The following GALNTL6 variants were observed in gnomAD, a reference collection of about 807,000 sequenced individuals.
GALNTL6 encodes polypeptide N-acetylgalactosaminyltransferase-like 6.
A neutral mutation model predicts 73.7 loss-of-function variants in GALNTL6; 46 were observed. The ratio of observed to expected loss-of-function variants is 0.62; its 90% CI spans 0.49 to 0.80. GALNTL6 has a LOEUF of 0.80. Among genes scored for constraint, GALNTL6 ranks in the 30% least tolerant of loss-of-function variants. The pLI, the probability that GALNTL6 is intolerant of heterozygous loss-of-function variation, is 0.00. For missense variants in GALNTL6, 604 were observed against 755.0 expected (o/e 0.80, Z 2.34); for synonymous variants, 259 against 263.7 (o/e 0.98, Z 0.17).
intron 2 of GALNTL6, among the ~76,000 whole-genome samples, chr4:171,913,440 C>T (rs1560838372): frequency 6.6e-6 from 1 of 152,154 alleles, no homozygotes; most frequent in Admixed American, 6.5e-5. Context: ...CCACCCACAG[C>T]TGGATTCCCT....
intron 2 of GALNTL6, among the ~76,000 whole-genome samples, chr4:172,042,769 C>T (rs1041446281): frequency 2.8e-5 from 4 of 144,794 alleles, no homozygotes; most frequent in Non-Finnish European, 4.5e-5. Context: ...TTCTGATAGC[C>T]AACTCATGTC....
At chr4:173,030,699 T>C (rs757743886) in intron 12 of GALNTL6, among the ~76,000 whole-genome samples, 20 of 152,126 alleles carry the variant, frequency 1.3e-4, no homozygotes, top group Admixed American at 4.6e-4. Flanking sequence ...GCCCGGTCTG[T>C]GTTCTTAACC....
At chr4:172,322,206 G>A (rs1740784109) in intron 4 of GALNTL6, among the ~76,000 whole-genome samples, 1 of 152,122 alleles carries the variant, frequency 6.6e-6, no homozygotes, top group Admixed American at 6.5e-5. Flanking sequence ...GATCACTCAA[G>A]TCATGCACTT....
intron 2 of GALNTL6, among the ~76,000 whole-genome samples, chr4:172,132,148 CACAA>C (rs924060464): frequency 6.6e-5 from 10 of 151,862 alleles, no homozygotes; most frequent in Admixed American, 3.9e-4. Context: ...TATACAAAAA[CACAA>C]ACAGTTTCTT....
intron 5 of GALNTL6, among the ~76,000 whole-genome samples, chr4:172,698,669 G>A (rs548482682): frequency 6.6e-6 from 1 of 152,262 alleles, no homozygotes; most frequent in East Asian, 1.9e-4. Context: ...TGTGTGCTTT[G>A]ATGGAGATGG....
At chr4:172,463,934 T>C (rs752700748) in intron 5 of GALNTL6, among the ~76,000 whole-genome samples, 6 of 152,226 alleles carry the variant, frequency 3.9e-5, no homozygotes, top group Non-Finnish European at 7.4e-5. Flanking sequence ...CACTTATGAA[T>C]AATAGTTACT....
In GALNTL6 at chr4:171,977,688, A is replaced by G. The variant is rs188182532; in HGVS notation, c.138+162970A>G. On this transcript the variant is annotated intron_variant, in intron 2 of 12. Transcript: ENST00000506823. ...ACACAAATTTTGTGAGGGTGACACA[A>G]CTCACCCCATGGCAGGTAGAAAGTT... is the stretch of plus-strand genomic sequence containing the variant. 1.6e-4 allele frequency among the ~76,000 whole-genome samples: 25 copies of G among 152,198 alleles called. 1 individual carries two copies. The East Asian group carries it at 4.2e-3, about 26-fold the overall frequency.
At chr4:172,390,520 T>C (rs957554147) in intron 5 of GALNTL6, among the ~76,000 whole-genome samples, 1 of 152,206 alleles carries the variant, frequency 6.6e-6, no homozygotes, top group Non-Finnish European at 1.5e-5. Flanking sequence ...CTGCCCAGGA[T>C]GTGAATCATC....
intron 2 of GALNTL6, among the ~76,000 whole-genome samples, chr4:172,112,223 G>T (rs887177053): frequency 1.3e-5 from 2 of 151,968 alleles, no homozygotes; most frequent in African/African-American, 4.8e-5. Flanking sequence ...TTCATGGCTT[G>T]ATAGCTCACC....
chr4:172,620,816 A>G (rs754790648), intron 5 of GALNTL6, among the ~76,000 whole-genome samples: 13 of 152,172 alleles, frequency 8.5e-5, no homozygotes, highest in African/African-American at 1.2e-4. Context: ...ATATCCATGG[A>G]TATTTCAAGG....
At chr4:172,547,083 T>TA (rs1446112278) in intron 5 of GALNTL6, among the ~76,000 whole-genome samples, 1 of 151,788 alleles carries the variant, frequency 6.6e-6, no homozygotes, top group African/African-American at 2.4e-5. Context: ...ACAAAACTAT[T>TA]ATAGGAAAGT....
At chr4:171,887,787 A>AC (rs1326082641) in intron 2 of GALNTL6, among the ~76,000 whole-genome samples, 1 of 151,950 alleles carries the variant, frequency 6.6e-6, no homozygotes, top group Non-Finnish European at 1.5e-5. Context: ...TTGAAAAAAA[A>AC]CAGTAACATA....
chr4:172,736,878 A>C (rs566420780), intron 5 of GALNTL6, among the ~76,000 whole-genome samples: 8 of 152,280 alleles, frequency 5.3e-5, no homozygotes, highest in Admixed American at 5.2e-4. Context: ...AAGTCTTAAA[A>C]TATCTGATGG....
At chr4:172,335,394 G>A (rs1741279042) in intron 4 of GALNTL6, among the ~76,000 whole-genome samples, 1 of 152,168 alleles carries the variant, frequency 6.6e-6, no homozygotes, top group African/African-American at 2.4e-5. Flanking sequence ...ATATTAGCCT[G>A]TAGTTGTCTT....
rs531676819 is a variant in GALNTL6, at chr4:172,225,904, C to G, written c.139-3752C>G. 1.4e-4 allele frequency among the ~76,000 whole-genome samples: 22 copies of G among 152,212 alleles called. No homozygotes were observed. In the South Asian group the frequency reaches 4.6e-3, roughly 32 times the overall value. On this transcript the variant is annotated intron_variant, in intron 2 of 12. Transcript: ENST00000506823. The stretch of plus-strand genomic sequence containing the variant: ...TAGTGTAGCAAATCCCCCAGATACC[C>G]TTTATTAAAGCAGTTTCAGATGGTC...
intron 2 of GALNTL6, among the ~76,000 whole-genome samples, chr4:172,138,490 T>C (rs1560938221): frequency 3.8e-3 from 25 of 6,568 alleles, no homozygotes; most frequent in African/African-American, 9.2e-3. Context: ...TATATATATA[T>C]ATATATATAT....
In GALNTL6 at chr4:172,575,769, G is replaced by A. The variant is rs1488161152; in HGVS notation, c.553+227080G>A. 6.6e-5 allele frequency among the ~76,000 whole-genome samples: 10 copies of A among 152,118 alleles called. 1 individual carries two copies. Among genetic ancestry groups the A allele is most frequent in the Admixed American group, 1.3e-4 (2 of 15,274 alleles). ...GTTTCTCTATTACAGTTTTTTAAGT[G>A]TTAGTGTGTCTTGCCAGCTTACCTC... On this transcript the variant is annotated intron_variant, in intron 5 of 12. Transcript: ENST00000506823.
intron 2 of GALNTL6, among the ~76,000 whole-genome samples, chr4:171,957,013 A>T (rs1423857299): frequency 2.0e-5 from 3 of 152,198 alleles, no homozygotes; most frequent in Admixed American, 1.3e-4. Context: ...GCATCGTCCC[A>T]GCTCAGGACT....
At chr4:172,351,217 A>G (rs1402355724) in intron 5 of GALNTL6, among the ~76,000 whole-genome samples, 3 of 151,494 alleles carry the variant, frequency 2.0e-5, no homozygotes, top group Non-Finnish European at 4.4e-5. Flanking sequence ...CTATCTATCT[A>G]TCTATCTATC....
Sources: gnomAD v4.1 joint callset for allele counts (sites outside exome capture counted in the v4.1 genomes callset) on GRCh38, gnomAD v4.1.1 for gene constraint, MANE v1.5 for transcripts, NCBI Gene and HGNC (gene_info 2026-07-23, HGNC 2026-07-21) for gene names.